RASAL2: variants seen among roughly 807,000 people sequenced by gnomAD.
The protein encoded by RASAL2 is RAS protein activator like 2.
In RASAL2, 58 loss-of-function variants were observed where a neutral mutation model predicts 128.9. The ratio of observed to expected loss-of-function variants is 0.45; its 90% confidence interval spans 0.36 to 0.56. The LOEUF (loss-of-function observed/expected upper bound fraction) is 0.56, where lower values mean the gene tolerates loss of function less well. Among genes scored for constraint, RASAL2 ranks in the 20% least tolerant of loss-of-function variants. The probability of loss-of-function intolerance (pLI) is 0.00; values close to 1 mark genes in which losing one functional copy is unlikely to be tolerated. For synonymous variants in RASAL2, 561 were observed against 580.8 expected, an observed-to-expected ratio of 0.97 and a Z score of 0.49; for missense variants, 1,360 against 1,601.6, an observed-to-expected ratio of 0.85 and a Z score of 2.57.
intron 3 of RASAL2, among the ~76,000 whole-genome samples, chr1:178,323,132 G>C (rs763411869): frequency 2.6e-5 from 4 of 152,134 alleles, no homozygotes; most frequent in Non-Finnish European, 5.9e-5. Context: ...GTGATAAACA[G>C]TACTTTTTGT....
intron 14 of RASAL2, among the ~76,000 whole-genome samples, chr1:178,460,433 C>T (rs894853777): frequency 2.6e-5 from 4 of 151,852 alleles, no homozygotes; most frequent in Non-Finnish European, 5.9e-5. Flanking sequence ...TCATTTATAA[C>T]ATTTTTTCTT....
At chr1:178,123,405 C>T (rs981768377) in intron 1 of RASAL2, among the ~76,000 whole-genome samples, 2 of 152,124 alleles carry the variant, frequency 1.3e-5, no homozygotes, top group East Asian at 3.8e-4. Flanking sequence ...CTCCTGAGGA[C>T]GAAACTTGGC....
rs1158233779 is a variant in RASAL2, at chr1:178,162,524, G to GTATAATATATCTTTATATAAAATATA, written c.202+67867_202+67892dup. Among the ~76,000 whole-genome samples the GTATAATATATCTTTATATAAAATATA allele has an allele frequency of 1.5e-4, 18 of 120,178 alleles. 1 individual carries two copies. The highest frequency in any genetic ancestry group is 4.9e-4 in the South Asian group (2 of 4,108). The allele number at this position is 120,178 out of a possible 152,430, so 78.8% of individuals were successfully genotyped here. On this transcript the variant is annotated intron_variant, in intron 1 of 17. Coordinates refer to ENST00000367649, the MANE Select transcript of RASAL2 (RefSeq NM_170692.4). ...TTATATTATATATATTTTATATAAA[G>GTATAATATATCTTTATATAAAATATA]TATAATATATCTTTATATAAAATAT...
At chr1:178,341,722 TA>T (rs35491323) in intron 3 of RASAL2, 16 of 1,468,482 alleles carry the variant, frequency 1.1e-5, no homozygotes, top group African/African-American at 7.0e-5. Flanking sequence ...TTATTGGCTT[TA>T]AAAAAATAGG....
chr1:178,251,703 A>G lies in RASAL2; in HGVS notation c.203-31861A>G, dbSNP rs551939140. Among the ~76,000 whole-genome samples, 7 of 152,300 alleles carry G rather than the reference A, an allele frequency of 4.6e-5. No homozygotes were observed. In the South Asian group the frequency reaches 1.5e-3, roughly 32 times the overall value. Reference sequence around the variant, plus strand: ...TGTTAATTCAGTTCAATAATTATTGATCAAGTGGCTACTATGTGTATGGCA... The same window carrying G: ...TGTTAATTCAGTTCAATAATTATTGGTCAAGTGGCTACTATGTGTATGGCA... On this transcript the variant is annotated intron_variant, in intron 1 of 17. Coordinates refer to ENST00000367649, the MANE Select transcript of RASAL2 (RefSeq NM_170692.4).
intron 1 of RASAL2, among the ~76,000 whole-genome samples, chr1:178,283,070 C>T (rs1250860355): frequency 1.3e-5 from 2 of 152,036 alleles, no homozygotes; most frequent in East Asian, 1.9e-4. Flanking sequence ...AGTGGTAATA[C>T]GATGCTGTTG....
At chr1:178,395,779 ATATATATATATATTTATT>A (rs1449031499) in intron 4 of RASAL2, among the ~76,000 whole-genome samples, 3 of 146,472 alleles carry the variant, frequency 2.0e-5, no homozygotes, top group African/African-American at 7.8e-5. Context: ...CAGTATATAT[ATATATATATATATTTATT>A]TATTCATATG....
intron 1 of RASAL2, among the ~76,000 whole-genome samples, chr1:178,110,550 GTGTATA>G (rs1362778403): frequency 7.0e-6 from 1 of 143,518 alleles, no homozygotes; most frequent in Non-Finnish European, 1.5e-5. Flanking sequence ...TATATATACA[GTGTATA>G]TATAGTATAT....
intron 1 of RASAL2, among the ~76,000 whole-genome samples, chr1:178,095,033 G>T (rs1658621793): frequency 6.6e-6 from 1 of 152,184 alleles, no homozygotes; most frequent in African/African-American, 2.4e-5. Context: ...ATGAAACCAA[G>T]TGAATGGATT....
intron 1 of RASAL2, among the ~76,000 whole-genome samples, chr1:178,243,936 G>A (rs553795115): frequency 1.3e-5 from 2 of 152,274 alleles, no homozygotes; most frequent in East Asian, 3.9e-4. Flanking sequence ...CATTTAGAGT[G>A]CCTAGCTTGT....
At chr1:178,173,860 G>C (rs570580387) in intron 1 of RASAL2, among the ~76,000 whole-genome samples, 1 of 151,326 alleles carries the variant, frequency 6.6e-6, no homozygotes, top group Admixed American at 6.6e-5. Context: ...AATTTTAATG[G>C]TTGGGTAAAG....
intron 17 of RASAL2, among the ~76,000 whole-genome samples, 179 bp downstream of exon 17, chr1:178,467,600 A>G (rs1312485078): frequency 6.6e-6 from 1 of 152,194 alleles, no homozygotes; most frequent in African/African-American, 2.4e-5. Flanking sequence ...CCTTTCTTTC[A>G]CTGGTGAGAA....
rs1156995568 is a variant in RASAL2, at chr1:178,289,556, C to G, written c.330+5865C>G. ...TCTGTAACTCTTGGGCTCAAGTGATCCTTCCACCTCAGCCTCCCAAAGTGC... is the reference window on the plus strand; with the variant it reads ...TCTGTAACTCTTGGGCTCAAGTGATGCTTCCACCTCAGCCTCCCAAAGTGC... On this transcript the variant is annotated intron_variant, in intron 2 of 17. Coordinates refer to ENST00000367649, the MANE Select transcript of RASAL2 (RefSeq NM_170692.4). 2.6e-5 allele frequency among the ~76,000 whole-genome samples: 4 copies of G among 152,226 alleles called. No homozygotes were observed. The East Asian group carries it at 5.8e-4, about 22-fold the overall frequency.
chr1:178,243,743 C>T lies in RASAL2; in HGVS notation c.203-39821C>T, dbSNP rs879500395. 2.6e-5 allele frequency among the ~76,000 whole-genome samples: 4 copies of T among 152,104 alleles called. No homozygotes were observed. In the East Asian group the frequency reaches 7.7e-4, roughly 29 times the overall value. On this transcript the variant is annotated intron_variant, in intron 1 of 17. Coordinates refer to ENST00000367649, the MANE Select transcript of RASAL2 (RefSeq NM_170692.4). The stretch of plus-strand genomic sequence containing the variant: ...CAGATGTCCTGCCACTATTTTGGTC[C>T]TCCTTGTCCTAGGGCCCCTAGCAAA...
intron 11 of RASAL2, among the ~76,000 whole-genome samples, chr1:178,453,273 G>A (rs562448085): frequency 9.9e-5 from 15 of 152,062 alleles, no homozygotes; most frequent in African/African-American, 3.1e-4. Flanking sequence ...CGTGAATAAT[G>A]TTTTTAAAAG....
At chr1:178,452,674 A>T (rs766278366) in intron 11 of RASAL2, 22 bp downstream of exon 11, 23 of 1,568,496 alleles carry the variant, frequency 1.5e-5, no homozygotes, top group Admixed American at 3.4e-5. Flanking sequence ...TGTTGTAACC[A>T]CTTTAAAAAC....
intron 4 of RASAL2, among the ~76,000 whole-genome samples, chr1:178,399,425 C>T (rs898227866): frequency 1.3e-5 from 2 of 152,074 alleles, no homozygotes; most frequent in African/African-American, 4.8e-5. Context: ...ATCTCCAAGC[C>T]AGGTACCTAG....
intron 1 of RASAL2, among the ~76,000 whole-genome samples, chr1:178,139,438 T>G (rs1201418313): frequency 6.6e-6 from 1 of 152,092 alleles, no homozygotes; most frequent in Non-Finnish European, 1.5e-5. Flanking sequence ...ATGTATATAC[T>G]GTTTCTGACT....
intron 1 of RASAL2, among the ~76,000 whole-genome samples, chr1:178,129,878 A>G (rs1413081622): frequency 6.6e-6 from 1 of 152,178 alleles, no homozygotes; most frequent in East Asian, 1.9e-4. Context: ...TGAAAAATAA[A>G]TGTTTGATAC....
Sources: gnomAD v4.1 joint callset for allele counts (sites outside exome capture counted in the v4.1 genomes callset) on GRCh38, gnomAD v4.1.1 for gene constraint, MANE v1.5 for transcripts, NCBI Gene and HGNC (gene_info 2026-07-23, HGNC 2026-07-21) for gene names.